The following SAXO2 variants were observed in gnomAD, a reference collection of about 807,000 sequenced individuals.
The protein encoded by SAXO2 is stabilizer of axonemal microtubules 2, also known as family with sequence similarity 154, member B.
Under a neutral mutation model 18.7 loss-of-function variants are expected in SAXO2, and 17 were observed. That is an observed-to-expected ratio of 0.91 (90% CI 0.62 to 1.36). SAXO2 has a LOEUF of 1.36. SAXO2 is among the 40% of genes most tolerant of loss of function. The pLI is 0.00. For synonymous variants in SAXO2, 163 were observed against 181.2 expected, an observed-to-expected ratio of 0.90 and a Z score of 0.81; for missense variants, 486 against 562.6, an observed-to-expected ratio of 0.86 and a Z score of 1.38.
At chr15:82,265,211 G>C (rs2075204122) in intron 1 of SAXO2, among the ~76,000 whole-genome samples, 1 of 152,156 alleles carries the variant, frequency 6.6e-6, no homozygotes, top group Non-Finnish European at 1.5e-5. Context: ...CAGGATCTTG[G>C]CTCACTGCAA....
chr15:82,263,028 C>A, intron 1 of SAXO2, 96 bp downstream of exon 1: 1 of 1,539,850 alleles, frequency 6.5e-7, no homozygotes. Flanking sequence ...TGAGAGTGGC[C>A]GTCCCCCGGA....
intron 3 of SAXO2, among the ~76,000 whole-genome samples, chr15:82,281,368 A>C (rs1194075794): frequency 9.9e-5 from 15 of 152,156 alleles, no homozygotes. Flanking sequence ...AAGGTTATTT[A>C]ACTTCCAAAC....
chr15:82,263,510 A>G (rs2075164590), intron 1 of SAXO2: 1 of 694,746 alleles, frequency 1.4e-6, no homozygotes, highest in Non-Finnish European at 2.6e-6. Context: ...TCACCTGTAA[A>G]CACAGTCCTC....
chr15:82,282,733 C>A lies in SAXO2; in HGVS notation c.1048C>A (p.Pro350Thr), dbSNP rs2075376847. The A allele has an allele frequency of 4.3e-6, 7 of 1,614,050 alleles. No homozygotes were observed. The East Asian group carries it at 6.7e-5, about 15-fold the overall frequency. ...AAAAAGCATCATGAAAGAAGATTTT[C>A]CAGCATGGGAAAGTTGTCGTCAAGG... Reference protein sequence around the residue: ...QGKSIMKEDFPAWESCRQGLI... With the variant: ...QGKSIMKEDFTAWESCRQGLI... Residue 350 changes from proline (P) to threonine (T), a missense_variant, in exon 4 of 4, where the codon CCA becomes ACA. Physicochemically the swap from Pro to Thr is conservative, Grantham distance 38 (BLOSUM62 -1). Transcript: ENST00000682753.
chr15:82,265,804 C>T (rs1031959211), intron 2 of SAXO2, 56 bp downstream of exon 2: 22 of 1,344,910 alleles, frequency 1.6e-5, no homozygotes, highest in Non-Finnish European at 2.2e-5. Context: ...CTTCTGGTGT[C>T]AATAAAGTTT....
intron 2 of SAXO2, 71 bp downstream of exon 2, chr15:82,265,819 G>C: frequency 8.0e-7 from 1 of 1,242,428 alleles, no homozygotes; most frequent in Non-Finnish European, 1.1e-6. Flanking sequence ...AAGTTTTCTA[G>C]CTATTTAAAT....
intron 3 of SAXO2, among the ~76,000 whole-genome samples, chr15:82,274,455 C>G (rs2075297649): frequency 6.6e-6 from 1 of 151,746 alleles, no homozygotes; most frequent in South Asian, 2.1e-4. Flanking sequence ...TCTCACTGTC[C>G]TCCTTTGGGA....
At chr15:82,263,704 TCAA>T (rs1353331499) in intron 1 of SAXO2, among the ~76,000 whole-genome samples, 1 of 152,198 alleles carries the variant, frequency 6.6e-6, no homozygotes, top group Non-Finnish European at 1.5e-5. Flanking sequence ...GATTAAAATA[TCAA>T]CAAATTAACT....
At chr15:82,266,145 C>CA (rs67665037) in intron 2 of SAXO2, among the ~76,000 whole-genome samples, 67,556 of 149,174 alleles carry the variant, frequency 0.45, 15,408 homozygotes, top group Middle Eastern at 0.5. Flanking sequence ...TAAACAACAA[C>CA]AAAAAAAAAA....
intron 2 of SAXO2, among the ~76,000 whole-genome samples, chr15:82,266,748 G>A (rs2075222303): frequency 6.6e-6 from 1 of 152,148 alleles, no homozygotes; most frequent in Admixed American, 6.5e-5. Context: ...AGCTCCCAAA[G>A]CACCTTCCTG....
chr15:82,271,349 A>G (rs2075269042), intron 2 of SAXO2, among the ~76,000 whole-genome samples: 1 of 152,230 alleles, frequency 6.6e-6, no homozygotes, highest in Non-Finnish European at 1.5e-5. Context: ...ATTAACTGAG[A>G]TCTATTGTAA....
intron 3 of SAXO2, among the ~76,000 whole-genome samples, chr15:82,276,874 T>G (rs1207564536): frequency 6.6e-6 from 1 of 152,102 alleles, no homozygotes; most frequent in Non-Finnish European, 1.5e-5. Flanking sequence ...GATAGAAGCA[T>G]GAAATGCAGG....
At chr15:82,275,169 A>AT (rs895788336) in intron 3 of SAXO2, among the ~76,000 whole-genome samples, 3 of 151,232 alleles carry the variant, frequency 2.0e-5, no homozygotes, top group Non-Finnish European at 4.4e-5. Context: ...TCTAGAGGAA[A>AT]TGGATAAATT....
chr15:82,279,673 A>C (rs2075346118), intron 3 of SAXO2, among the ~76,000 whole-genome samples: 1 of 152,226 alleles, frequency 6.6e-6, no homozygotes, highest in Non-Finnish European at 1.5e-5. Flanking sequence ...GCTGAGGCCG[A>C]GGATGATGTC....
chr15:82,280,380 G>A (rs2075352553), intron 3 of SAXO2, among the ~76,000 whole-genome samples: 1 of 151,950 alleles, frequency 6.6e-6, no homozygotes, highest in African/African-American at 2.4e-5. Flanking sequence ...CTATATGATT[G>A]TGTGGAACTA....
At chr15:82,263,410 T>C (rs1391561049) in intron 1 of SAXO2, 1 of 713,262 alleles carries the variant, frequency 1.4e-6, no homozygotes, top group Non-Finnish European at 2.5e-6. Context: ...AGGCAGCAGT[T>C]CTTTGGGATC....
At position 82,281,596 on chromosome 15, in the gene SAXO2, T is replaced by G. The variant is rs397841911; in HGVS notation, c.434-523T>G. 2.8e-4 allele frequency among the ~76,000 whole-genome samples: 42 copies of G among 152,302 alleles called. No homozygotes were observed. In the South Asian group the frequency reaches 6.7e-3, roughly 24 times the overall value. On this transcript the variant is annotated intron_variant, in intron 3 of 3. Transcript: ENST00000682753. ...AATTCTTTCTGTAGGCTTCCTAGAG[T>G]ATACCAGAATTAAATTTTTCTCCCC...
chr15:82,271,793 A>G lies in SAXO2; in HGVS notation c.424A>G (p.Thr142Ala), dbSNP rs758618207. The G allele has an allele frequency of 3.1e-6, 5 of 1,613,198 alleles. No homozygotes were observed. The highest frequency in any genetic ancestry group is 1.1e-5 in the South Asian group (1 of 90,766). The change falls in exon 3 of 4, where the codon ACC (threonine) becomes GCC (alanine). Residue 142 changes from threonine to alanine, a missense_variant. Thr to Ala is a moderately conservative substitution (Grantham distance 58). Transcript: ENST00000682753. ...VKKGKLDTVPTYKDDYRAWDL... is the reference protein window; with the variant it reads ...VKKGKLDTVPAYKDDYRAWDL... The stretch of plus-strand genomic sequence containing the variant: ...AAAAGGAAAATTGGACACTGTCCCA[A>G]CCTATAAAGGTAACTTGCTGTTTCA...
At chr15:82,269,973 A>G (rs1475689264) in intron 2 of SAXO2, among the ~76,000 whole-genome samples, 1 of 152,130 alleles carries the variant, frequency 6.6e-6, no homozygotes, top group African/African-American at 2.4e-5. Flanking sequence ...TAAATAGAGA[A>G]AAAGCAAAAA....
Sources: allele counts gnomAD v4.1 joint callset (sites outside exome capture counted in the v4.1 genomes callset), GRCh38; gene constraint gnomAD v4.1.1; transcripts MANE v1.5; gene names NCBI Gene and HGNC (gene_info 2026-07-23, HGNC 2026-07-21).